The following HDAC4 variants were observed in gnomAD, a reference collection of about 807,000 sequenced individuals.
The protein encoded by HDAC4 is histone deacetylase A.
In HDAC4, 16 loss-of-function variants were observed where a neutral mutation model predicts 135.1. That is an observed-to-expected ratio of 0.12 (90% CI 0.08 to 0.18). The LOEUF (loss-of-function observed/expected upper bound fraction) is 0.18, where lower values mean the gene tolerates loss of function less well. Ranked by LOEUF, HDAC4 falls within the 10% of genes least tolerant of loss-of-function variation. The pLI, the probability that HDAC4 is intolerant of heterozygous loss-of-function variation, is 1.00. For missense variants in HDAC4, 1,143 were observed against 1,511.8 expected, an observed-to-expected ratio of 0.76 and a Z score of 4.05; for synonymous variants, 685 against 653.4, an observed-to-expected ratio of 1.05 and a Z score of -0.74.
At chr2:239,198,466 C>T (rs2045546019) in intron 3 of HDAC4, among the ~76,000 whole-genome samples, 1 of 152,110 alleles carries the variant, frequency 6.6e-6, no homozygotes. Flanking sequence ...GGGAGGGACC[C>T]CCTACTCAGT....
intron 3 of HDAC4, among the ~76,000 whole-genome samples, chr2:239,226,753 G>A (rs576338567): frequency 6.6e-6 from 1 of 152,308 alleles, no homozygotes; most frequent in African/African-American, 2.4e-5. Flanking sequence ...CAGGCACTGC[G>A]GACAGGGAAA....
intron 3 of HDAC4, among the ~76,000 whole-genome samples, chr2:239,215,826 G>C (rs2046603611): frequency 6.6e-6 from 1 of 152,204 alleles, no homozygotes; most frequent in Admixed American, 6.5e-5. Context: ...CTGGGGGTCT[G>C]CGAATCTTGG....
chr2:239,203,657 G>A (rs945426868), intron 3 of HDAC4, among the ~76,000 whole-genome samples: 2 of 152,164 alleles, frequency 1.3e-5, no homozygotes, highest in African/African-American at 4.8e-5. Flanking sequence ...CTGCCAAGGC[G>A]ACCACAGACA....
intron 1 of HDAC4, among the ~76,000 whole-genome samples, chr2:239,363,970 C>T (rs755496161): frequency 3.9e-5 from 6 of 152,196 alleles, no homozygotes; most frequent in Non-Finnish European, 7.3e-5. Context: ...CACACAAGGT[C>T]CTGCGCATGT....
intron 2 of HDAC4, among the ~76,000 whole-genome samples, chr2:239,278,128 G>T (rs543102757): frequency 4.1e-5 from 6 of 147,386 alleles, no homozygotes; most frequent in Admixed American, 4.1e-4. Flanking sequence ...ATGAACAGGT[G>T]CTCACCATTG....
At chr2:239,249,729 G>A (rs906936881) in intron 2 of HDAC4, among the ~76,000 whole-genome samples, 7 of 151,660 alleles carry the variant, frequency 4.6e-5, no homozygotes, top group Non-Finnish European at 1.0e-4. Flanking sequence ...CCTGGGAGGG[G>A]CTCTAATCTT....
intron 14 of HDAC4, among the ~76,000 whole-genome samples, chr2:239,108,748 G>C (rs1559443588): frequency 6.6e-6 from 1 of 152,236 alleles, no homozygotes; most frequent in Non-Finnish European, 1.5e-5. Flanking sequence ...ACATATGCTA[G>C]AAAACACACG....
At chr2:239,385,350 G>C (rs1265948964) in intron 1 of HDAC4, among the ~76,000 whole-genome samples, 1 of 152,262 alleles carries the variant, frequency 6.6e-6, no homozygotes, top group East Asian at 1.9e-4. Context: ...GCAGTGTCAG[G>C]AGGTTCCGGG....
At chr2:239,076,462 A>G (rs1366531800) in intron 22 of HDAC4, among the ~76,000 whole-genome samples, 2 of 152,270 alleles carry the variant, frequency 1.3e-5, no homozygotes, top group Non-Finnish European at 2.9e-5. Context: ...GCTGGGTTTC[A>G]ACATCTGGAA....
At chr2:239,316,233 G>C (rs1262555624) in intron 2 of HDAC4, among the ~76,000 whole-genome samples, 1 of 152,186 alleles carries the variant, frequency 6.6e-6, no homozygotes, top group Non-Finnish European at 1.5e-5. Flanking sequence ...AGGAAATCTT[G>C]AGAAAAATCT....
At chr2:239,335,974 A>G (rs1449560401) in intron 2 of HDAC4, among the ~76,000 whole-genome samples, 1 of 152,256 alleles carries the variant, frequency 6.6e-6, no homozygotes. Context: ...ACTGGAAACC[A>G]CCAAAATGTC....
chr2:239,298,220 C>T (rs898919514), intron 2 of HDAC4: 17 of 1,289,502 alleles, frequency 1.3e-5, no homozygotes, highest in African/African-American at 9.1e-5. Flanking sequence ...CTCGGTATTC[C>T]GGAAGCAGCC....
Position 239,194,575 on chromosome 2 carries a change from C to T in HDAC4, c.95-4498G>A, listed in dbSNP as rs970951479. 2.6e-5 allele frequency among the ~76,000 whole-genome samples: 4 copies of T among 152,210 alleles called. 1 individual carries two copies. The highest frequency in any genetic ancestry group is 4.4e-5 in the Non-Finnish European group (3 of 68,044). On this transcript the variant is annotated intron_variant, in intron 3 of 26. Coordinates refer to ENST00000543185, the MANE Select transcript of HDAC4 (RefSeq NM_001378414.1). ...ATTCCACCACCTGTGAAACAGCCAG[C>T]GAGCAGCCTGGCCCAGCACTCCCCA...
At chr2:239,357,078 C>T (rs767340544) in intron 1 of HDAC4, among the ~76,000 whole-genome samples, 17 of 152,144 alleles carry the variant, frequency 1.1e-4, no homozygotes, top group South Asian at 2.1e-4. Flanking sequence ...ACGTTATTCA[C>T]GTTCTTTTTT....
intron 1 of HDAC4, among the ~76,000 whole-genome samples, chr2:239,362,462 T>C (rs1693925539): frequency 1.3e-5 from 2 of 152,154 alleles, no homozygotes; most frequent in South Asian, 2.1e-4. Context: ...TCAGAGAACA[T>C]TCTTCTAAAA....
At chr2:239,329,277 G>A (rs961557671) in intron 2 of HDAC4, among the ~76,000 whole-genome samples, 1 of 152,230 alleles carries the variant, frequency 6.6e-6, no homozygotes, top group Non-Finnish European at 1.5e-5. Context: ...TGGAATGACA[G>A]GAACCCTCCA....
chr2:239,366,690 G>A (rs185301379), intron 1 of HDAC4, among the ~76,000 whole-genome samples: 6 of 152,158 alleles, frequency 3.9e-5, no homozygotes, highest in East Asian at 1.9e-4. Flanking sequence ...TTTGACTTAC[G>A]GTGTGAAACG....
intron 12 of HDAC4, among the ~76,000 whole-genome samples, chr2:239,125,107 G>A (rs146817113): frequency 1.3e-5 from 2 of 152,352 alleles, no homozygotes; most frequent in Non-Finnish European, 2.9e-5. Context: ...CGGTTATTAC[G>A]ACTGATACGG....
At chr2:239,200,059 C>A (rs568945247) in intron 3 of HDAC4, among the ~76,000 whole-genome samples, 1 of 152,210 alleles carries the variant, frequency 6.6e-6, no homozygotes, top group African/African-American at 2.4e-5. Flanking sequence ...CATTTCTTGA[C>A]CCCTGTGTGG....
Sources: allele counts gnomAD v4.1 joint callset (sites outside exome capture counted in the v4.1 genomes callset), GRCh38; gene constraint gnomAD v4.1.1; transcripts MANE v1.5; gene names NCBI Gene and HGNC (gene_info 2026-07-23, HGNC 2026-07-21).